Variants in PRIM2 observed in about 807,000 individuals in gnomAD.
The protein encoded by PRIM2 is DNA primase large subunit.
A neutral mutation model predicts 67.3 loss-of-function variants in PRIM2; 39 were observed. The ratio of observed to expected loss-of-function variants is 0.58; its 90% confidence interval spans 0.45 to 0.76. PRIM2 has a LOEUF of 0.76. PRIM2 is among the 30% of genes least tolerant of loss of function. PRIM2 has a pLI of 0.00. For synonymous variants in PRIM2, 143 were observed against 198.7 expected (o/e 0.72, Z 2.36); for missense variants, 398 against 598.7 (o/e 0.66, Z 3.50).
intron 10 of PRIM2, among the ~76,000 whole-genome samples, chr6:57,566,965 A>G (rs1297650655): frequency 2.0e-5 from 3 of 152,238 alleles, no homozygotes; most frequent in Admixed American, 1.3e-4. Context: ...TCCTAATAGT[A>G]TCTGTCCTAA....
intron 7 of PRIM2, among the ~76,000 whole-genome samples, chr6:57,464,167 T>C (rs1370684132): frequency 6.6e-6 from 1 of 152,230 alleles, no homozygotes; most frequent in East Asian, 1.9e-4. Flanking sequence ...TGCCATGTAA[T>C]AATGTCACGT....
At chr6:57,336,466 T>C (rs989572544) in intron 5 of PRIM2, among the ~76,000 whole-genome samples, 18 of 152,316 alleles carry the variant, frequency 1.2e-4, no homozygotes, top group Admixed American at 3.3e-4. Flanking sequence ...AGAGAAAGGT[T>C]GGGTTACCCT....
intron 10 of PRIM2, among the ~76,000 whole-genome samples, chr6:57,543,242 A>G (rs1285174964): frequency 6.6e-6 from 1 of 152,126 alleles, no homozygotes; most frequent in Non-Finnish European, 1.5e-5. Context: ...CCCGGCCAGG[A>G]TATTTTTTAG....
intron 8 of PRIM2, among the ~76,000 whole-genome samples, chr6:57,520,473 A>G (rs1329962984): frequency 6.6e-6 from 1 of 152,186 alleles, no homozygotes; most frequent in Non-Finnish European, 1.5e-5. Flanking sequence ...GGTTCATTAT[A>G]TTACTAGAAT....
At chr6:57,561,383 C>T (rs1432381511) in intron 10 of PRIM2, among the ~76,000 whole-genome samples, 6 of 152,236 alleles carry the variant, frequency 3.9e-5, no homozygotes, top group South Asian at 4.1e-4. Context: ...AGGCGCACGC[C>T]GCCACACCCG....
intron 5 of PRIM2, among the ~76,000 whole-genome samples, chr6:57,367,263 G>A (rs1769391159): frequency 6.6e-6 from 1 of 152,022 alleles, no homozygotes; most frequent in Non-Finnish European, 1.5e-5. Context: ...CCACAGAGTG[G>A]TAATTATTTC....
chr6:57,430,619 A>C (rs72873537), intron 7 of PRIM2, among the ~76,000 whole-genome samples: 1 of 151,384 alleles, frequency 6.6e-6, no homozygotes, highest in African/African-American at 2.4e-5. Flanking sequence ...ATGCCCAGCT[A>C]TTTTTATATT....
At chr6:57,519,199 G>A (rs1554348606) in intron 8 of PRIM2, among the ~76,000 whole-genome samples, 31 of 152,208 alleles carry the variant, frequency 2.0e-4, no homozygotes, top group African/African-American at 7.0e-4. Context: ...CCACAGGACC[G>A]AGGTGAAATT....
At chr6:57,637,796 C>T (rs1358768535) in intron 13 of PRIM2, among the ~76,000 whole-genome samples, 27 of 151,960 alleles carry the variant, frequency 1.8e-4, no homozygotes, top group Non-Finnish European at 3.2e-4. Flanking sequence ...TGAAAGTGAC[C>T]GGGAGAATGG....
At chr6:57,340,560 C>A (rs62418096) in intron 5 of PRIM2, among the ~76,000 whole-genome samples, 3 of 145,880 alleles carry the variant, frequency 2.1e-5, no homozygotes, top group Non-Finnish European at 4.6e-5. Flanking sequence ...TTTGTAGGGA[C>A]ATGGATGAAA....
chr6:57,257,331 G>T, the PRIM2 span, among the ~76,000 whole-genome samples: 1 of 150,988 alleles, frequency 6.6e-6, no homozygotes, highest in African/African-American at 2.4e-5. Flanking sequence ...GAGTGCAATG[G>T]CGCAATCTCG....
At chr6:57,332,149 A>G (rs1251823886) in intron 5 of PRIM2, among the ~76,000 whole-genome samples, 1 of 152,044 alleles carries the variant, frequency 6.6e-6, no homozygotes, top group Non-Finnish European at 1.5e-5. Flanking sequence ...CACATTGATT[A>G]GAAGTGTTTA....
chr6:57,355,561 A>G (rs1464745939), intron 5 of PRIM2, among the ~76,000 whole-genome samples: 2 of 152,174 alleles, frequency 1.3e-5, no homozygotes, highest in East Asian at 1.9e-4. Context: ...CTTAGAGTGA[A>G]GACAGAAAAC....
At chr6:57,507,259 A>G in intron 7 of PRIM2, 128 bp from the exon 8 acceptor site, 1 of 868,080 alleles carries the variant, frequency 1.2e-6, no homozygotes. Context: ...TTGAAAAAAG[A>G]GAAATAGAAC....
intron 7 of PRIM2, among the ~76,000 whole-genome samples, chr6:57,503,211 T>C (rs1238251831): frequency 7.2e-5 from 11 of 152,174 alleles, no homozygotes; most frequent in Non-Finnish European, 1.3e-4. Context: ...GCCTATATTC[T>C]TGTGATGAGA....
At chr6:57,221,816 G>C in the PRIM2 span, 1 of 152,408 alleles carries the variant, frequency 6.6e-6, no homozygotes, top group African/African-American at 2.4e-5. Flanking sequence ...GGGGAGAGCC[G>C]GCGCTCGGCG....
chr6:57,431,858 T>C (rs1581898307), intron 7 of PRIM2, among the ~76,000 whole-genome samples: 2 of 152,150 alleles, frequency 1.3e-5, no homozygotes, highest in African/African-American at 4.8e-5. Flanking sequence ...TTCATTCTTA[T>C]GAGATTCCTG....
At chr6:57,466,200 TTTTC>T (rs1773185341) in intron 7 of PRIM2, among the ~76,000 whole-genome samples, 1 of 152,226 alleles carries the variant, frequency 6.6e-6, no homozygotes, top group Admixed American at 6.5e-5. Flanking sequence ...ATGTGCCACA[TTTTC>T]TTTATCAAGT....
intron 13 of PRIM2, among the ~76,000 whole-genome samples, chr6:57,642,693 G>T (rs1366860728): frequency 6.6e-6 from 1 of 151,810 alleles, no homozygotes; most frequent in African/African-American, 2.4e-5. Context: ...CGCCCGTCTC[G>T]GCCTCCCAAA....
Sources: gnomAD v4.1 joint callset for allele counts (sites outside exome capture counted in the v4.1 genomes callset) on GRCh38, gnomAD v4.1.1 for gene constraint, MANE v1.5 for transcripts, NCBI Gene and HGNC (gene_info 2026-07-23, HGNC 2026-07-21) for gene names.